MEF2A: variants seen among roughly 807,000 people sequenced by gnomAD.
MEF2A encodes the protein myocyte enhancer factor 2A.
Under a neutral mutation model 55.8 loss-of-function variants are expected in MEF2A, and 28 were observed. That is an observed-to-expected ratio of 0.50 (90% CI 0.37 to 0.69). The LOEUF (loss-of-function observed/expected upper bound fraction) is 0.69. Among genes scored for constraint, MEF2A ranks in the 30% least tolerant of loss-of-function variants. MEF2A has a pLI of 0.00. For missense variants in MEF2A, 528 were observed against 626.2 expected (o/e 0.84, Z 1.67); for synonymous variants, 239 against 227.1 (o/e 1.05, Z -0.47).
chr15:99,597,306 G>A (rs1347125936), intron 1 of MEF2A, among the ~76,000 whole-genome samples: 6 of 152,168 alleles, frequency 3.9e-5, no homozygotes, highest in Non-Finnish European at 1.5e-5. Flanking sequence ...GGGTGTGGTC[G>A]TCTCTTATGG....
intron 2 of MEF2A, among the ~76,000 whole-genome samples, chr15:99,610,758 A>G (rs1001938545): frequency 1.3e-5 from 2 of 152,192 alleles, no homozygotes; most frequent in South Asian, 4.1e-4. Flanking sequence ...CTCTAACACT[A>G]TATACAAGAA....
At chr15:99,622,276 T>C (rs771339000) in intron 2 of MEF2A, among the ~76,000 whole-genome samples, 2 of 152,314 alleles carry the variant, frequency 1.3e-5, no homozygotes, top group South Asian at 2.1e-4. Flanking sequence ...ATAACAGATA[T>C]AGGACTTGGG....
intron 4 of MEF2A, among the ~76,000 whole-genome samples, chr15:99,655,150 G>A (rs967939141): frequency 3.9e-5 from 6 of 152,124 alleles, no homozygotes; most frequent in Non-Finnish European, 7.4e-5. Context: ...ATTCAGTGTG[G>A]TATTTGCATA....
intron 4 of MEF2A, among the ~76,000 whole-genome samples, chr15:99,659,272 G>C (rs1298938602): frequency 6.6e-6 from 1 of 152,048 alleles, no homozygotes; most frequent in Non-Finnish European, 1.5e-5. Context: ...TGGGATTGGG[G>C]GGTGGGGCAG....
intron 4 of MEF2A, among the ~76,000 whole-genome samples, chr15:99,670,074 C>T (rs975356236): frequency 1.3e-5 from 2 of 152,096 alleles, no homozygotes; most frequent in African/African-American, 2.4e-5. Flanking sequence ...CTTTAAAATA[C>T]GACCCACTAG....
Position 99,650,327 on chromosome 15 carries a change from A to G in MEF2A, c.258+4563A>G, listed in dbSNP as rs989578553. Among the ~76,000 whole-genome samples, 4 of 152,278 alleles carry G rather than the reference A, an allele frequency of 2.6e-5. No homozygotes were observed. The East Asian group carries it at 5.8e-4, about 22-fold the overall frequency. On this transcript the variant is annotated intron_variant, in intron 4 of 11. Transcript: ENST00000557942. ...ATCCAGGGGAGCTCTGGAGCATTTT[A>G]CCGTAAGTAGATAAGATTTTATACA...
At chr15:99,596,871 T>A (rs1219421600) in intron 1 of MEF2A, among the ~76,000 whole-genome samples, 1 of 152,214 alleles carries the variant, frequency 6.6e-6, no homozygotes, top group African/African-American at 2.4e-5. Flanking sequence ...AGGGACTGGC[T>A]GAAGCCATGG....
At position 99,712,545 on chromosome 15, in the gene MEF2A, CACCACCGCAGCCCCAGCCACA is replaced by C; in HGVS notation, c.1296_1316del (p.Gln438_Pro444del). On this transcript the variant is annotated inframe_deletion, in exon 12 of 12. Transcript: ENST00000557942. This position sits in a 1 kb window ranked among gnomAD's most constrained non-coding sequence, Gnocchi z 4.1. ...CAGCAGCAGCAGCAGCAGCCGCCGC[CACCACCGCAGCCCCAGCCACA>C]ACCCCCGCAGCCCCAGCCCCGACAG... The C allele has an allele frequency of 1.3e-6, 2 of 1,550,690 alleles. No individual in the cohort carries two copies. The highest frequency in any genetic ancestry group is 1.4e-5 in the African/African-American group (1 of 72,932).
chr15:99,639,351 A>G (rs2044474062), intron 3 of MEF2A, among the ~76,000 whole-genome samples: 1 of 152,124 alleles, frequency 6.6e-6, no homozygotes, highest in Non-Finnish European at 1.5e-5. Context: ...ACATGGGTTT[A>G]AAGTTTTACA....
rs1268801908 is a variant in MEF2A, at chr15:99,674,598, G to A, written c.596G>A (p.Ser199Asn). 1 of 1,613,488 alleles carries A rather than the reference G, an allele frequency of 6.2e-7. No homozygotes were observed. The highest frequency in any genetic ancestry group is 1.1e-5 in the South Asian group (1 of 91,066). The part of the protein sequence containing the change: ...VSPGAPQRPP[S>N]TGNAGGMLST... ...CCTGGAGCTCCTCAGAGACCACCAA[G>A]TACTGGCAATGCAGGTATGTAGTGA... Residue 199 changes from serine to asparagine, a missense_variant, in exon 6 of 12, where the codon AGT (serine) becomes AAT (asparagine). Ser to Asn is a conservative substitution (Grantham distance 46, BLOSUM62 1). Coordinates refer to ENST00000557942, the MANE Select transcript of MEF2A (RefSeq NM_001319206.4).
intron 7 of MEF2A, among the ~76,000 whole-genome samples, chr15:99,677,556 A>G (rs896892930): frequency 6.6e-6 from 1 of 152,154 alleles, no homozygotes; most frequent in Admixed American, 6.5e-5. Flanking sequence ...ATGGAAAATT[A>G]AAAAGAAGAC....
At chr15:99,599,917 C>A (rs1972424102) in intron 2 of MEF2A, among the ~76,000 whole-genome samples, 1 of 151,960 alleles carries the variant, frequency 6.6e-6, no homozygotes, top group Admixed American at 6.6e-5. Context: ...TATAAATATT[C>A]TAGAGATGAT....
chr15:99,652,252 G>T (rs1351476174), intron 4 of MEF2A, among the ~76,000 whole-genome samples: 1 of 152,148 alleles, frequency 6.6e-6, no homozygotes, highest in African/African-American at 2.4e-5. Context: ...TTCCACCTCA[G>T]ATCATCAGGC....
At chr15:99,669,723 T>G (rs1399880191) in intron 4 of MEF2A, among the ~76,000 whole-genome samples, 1 of 152,236 alleles carries the variant, frequency 6.6e-6, no homozygotes, top group Non-Finnish European at 1.5e-5. Flanking sequence ...TTAAAAATAA[T>G]TTGACTTTGG....
chr15:99,606,656 T>C (rs947475614), intron 2 of MEF2A, among the ~76,000 whole-genome samples: 4 of 151,950 alleles, frequency 2.6e-5, no homozygotes, highest in African/African-American at 9.7e-5. Flanking sequence ...ATCTGGGAAA[T>C]GCGAATTAAA....
chr15:99,581,463 A>G (rs1212702344), intron 1 of MEF2A, among the ~76,000 whole-genome samples: 3 of 149,762 alleles, frequency 2.0e-5, no homozygotes, highest in Non-Finnish European at 4.4e-5. Flanking sequence ...TCTCAGACTC[A>G]TTATACCTTC....
intron 1 of MEF2A, among the ~76,000 whole-genome samples, chr15:99,572,748 A>G (rs1411610960): frequency 6.6e-6 from 1 of 152,246 alleles, no homozygotes; most frequent in East Asian, 1.9e-4. Flanking sequence ...TCTCCTAGAC[A>G]AAAGTTTTTT....
intron 7 of MEF2A, among the ~76,000 whole-genome samples, chr15:99,680,327 T>A (rs2052995971): frequency 6.6e-6 from 1 of 152,162 alleles, no homozygotes; most frequent in South Asian, 2.1e-4. Context: ...GTAGTATTCA[T>A]GAAATTCAAA....
intron 1 of MEF2A, among the ~76,000 whole-genome samples, chr15:99,585,391 T>A (rs747058313): frequency 4.6e-5 from 7 of 152,208 alleles, no homozygotes; most frequent in Non-Finnish European, 1.0e-4. Flanking sequence ...GTGTGAAATT[T>A]TACTGACTTA....
Sources: allele counts gnomAD v4.1 joint callset (sites outside exome capture counted in the v4.1 genomes callset), GRCh38; gene constraint gnomAD v4.1.1; non-coding constraint Gnocchi (gnomAD v3.1); transcripts MANE v1.5; gene names NCBI Gene and HGNC (gene_info 2026-07-23, HGNC 2026-07-21).